Variants in RTP4 observed in about 807,000 individuals in gnomAD.
RTP4 encodes the protein receptor transporter protein 4.
Under a neutral mutation model 6.5 loss-of-function variants are expected in RTP4, and 5 were observed. That is an observed-to-expected ratio of 0.77 (90% CI 0.40 to 1.62). RTP4 has a LOEUF of 1.62. Among genes scored for constraint, RTP4 ranks in the 40% most tolerant of loss-of-function variants. The probability of loss-of-function intolerance (pLI) is 0.02; values close to 1 mark genes in which losing one functional copy is unlikely to be tolerated. For missense variants in RTP4, 266 were observed against 288.7 expected (o/e 0.92, Z 0.57); for synonymous variants, 112 against 114.8 (o/e 0.98, Z 0.15).
intron 1 of RTP4, among the ~76,000 whole-genome samples, chr3:187,369,299 G>C (rs999131852): frequency 6.6e-6 from 1 of 152,062 alleles, no homozygotes; most frequent in Non-Finnish European, 1.5e-5. Flanking sequence ...CAGGACCTTC[G>C]GTATAGTTTT....
intron 1 of RTP4, among the ~76,000 whole-genome samples, chr3:187,369,210 C>T (rs971835788): frequency 6.6e-6 from 1 of 152,160 alleles, no homozygotes; most frequent in African/African-American, 2.4e-5. Flanking sequence ...CTCCAGGTTG[C>T]AGGAACCAGT....
intron 1 of RTP4, among the ~76,000 whole-genome samples, chr3:187,370,397 A>G (rs1434686321): frequency 2.0e-5 from 3 of 152,238 alleles, no homozygotes; most frequent in Non-Finnish European, 4.4e-5. Flanking sequence ...AATAGTGCTT[A>G]CTTCACAGAT....
At position 187,371,060 on chromosome 3, in the gene RTP4, T is replaced by C; in HGVS notation, c.428T>C (p.Val143Ala). ...KSPEMPVILE[V>A]SLEGSHDTAN... Reference sequence around the variant, plus strand: ...CCAGAAATGCCAGTAATCCTGGAAGTGTCCCTGGAAGGATCCCATGACACA... The same window carrying C: ...CCAGAAATGCCAGTAATCCTGGAAGCGTCCCTGGAAGGATCCCATGACACA... The change falls in exon 2 of 2, where the codon GTG becomes GCG. Residue 143 changes from valine (V) to alanine (A), a missense_variant. By Grantham distance (64) the Val-to-Ala change is moderately conservative. Transcript: ENST00000259030. 1 of 1,614,226 alleles carries C rather than the reference T, an allele frequency of 6.2e-7. No individual in the cohort carries two copies. The highest frequency in any genetic ancestry group is 8.5e-7 in the Non-Finnish European group (1 of 1,180,030).
rs897225396 is a variant in RTP4, at chr3:187,370,357, A to T, written c.156-431A>T. 7.9e-5 allele frequency among the ~76,000 whole-genome samples: 12 copies of T among 152,324 alleles called. 1 individual carries two copies. In the East Asian group the frequency reaches 2.3e-3, roughly 29 times the overall value. On this transcript the variant is annotated intron_variant, in intron 1 of 1. Coordinates refer to ENST00000259030, the MANE Select transcript of RTP4 (RefSeq NM_022147.3). ...AAGCAGGTTGCGTATCCTTTTCATG[A>T]TTCAGTTTCCTTATCTGGATATTGG... is the stretch of plus-strand genomic sequence containing the variant.
chr3:187,370,925 G>C lies in RTP4; in HGVS notation c.293G>C (p.Trp98Ser). The part of the protein sequence containing the change: ...LFGQRCQKCS[W>S]SQYEMPEFSS... ...GGCCAAAGGTGCCAGAAGTGCTCCTGGTCCCAATATGAGATGCCTGAGTTC... is the reference window on the plus strand; with the variant it reads ...GGCCAAAGGTGCCAGAAGTGCTCCTCGTCCCAATATGAGATGCCTGAGTTC... The change falls in exon 2 of 2, where the codon TGG becomes TCG. Residue 98 changes from tryptophan to serine, a missense_variant. By Grantham distance (177) the Trp-to-Ser change is radical. Coordinates refer to ENST00000259030, the MANE Select transcript of RTP4 (RefSeq NM_022147.3). 1 of 1,614,182 alleles carries C rather than the reference G, an allele frequency of 6.2e-7. No individual in the cohort carries two copies. Among genetic ancestry groups the C allele is most frequent in the African/African-American group, 1.3e-5 (1 of 75,046 alleles).
intron 1 of RTP4, among the ~76,000 whole-genome samples, chr3:187,369,897 C>T (rs1422810702): frequency 6.6e-5 from 10 of 152,138 alleles, no homozygotes; most frequent in African/African-American, 1.7e-4. Flanking sequence ...TGTCTTACAA[C>T]GTTTTGGCAC....
Position 187,371,047 on chromosome 3 carries a change from G to C in RTP4, c.415G>C (p.Val139Leu). The C allele has an allele frequency of 6.2e-7, 1 of 1,614,216 alleles. No individual in the cohort carries two copies. Among genetic ancestry groups the C allele is most frequent in the Non-Finnish European group, 8.5e-7 (1 of 1,180,040 alleles). ...CACGAGGAAGTCTCCAGAAATGCCA[G>C]TAATCCTGGAAGTGTCCCTGGAAGG... ...NGTRKSPEMP[V>L]ILEVSLEGSH... Residue 139 changes from valine to leucine, a missense_variant, in exon 2 of 2, where the codon GTA (valine) becomes CTA (leucine). Transcript: ENST00000259030.
Position 187,371,217 on chromosome 3 carries a change from C to T in RTP4, c.585C>T (p.Leu195=), listed in dbSNP as rs776646441. The change falls in exon 2 of 2, where the codon CTC becomes CTT. Residue 195 remains leucine (L), a synonymous_variant. Coordinates refer to ENST00000259030, the MANE Select transcript of RTP4 (RefSeq NM_022147.3). ...CACCTGGAATTGGTGCTGTGTACCTCGCAAACCAAGCCAAGAACCAGTCAG... is the reference window on the plus strand; with the variant it reads ...CACCTGGAATTGGTGCTGTGTACCTTGCAAACCAAGCCAAGAACCAGTCAG... ...NSSPGIGAVY[L]ANQAKNQSAE... is the part of the protein sequence containing the mutation. The T allele has an allele frequency of 1.4e-5, 23 of 1,613,876 alleles. No homozygotes were observed. The highest frequency in any genetic ancestry group is 1.6e-4 in the Middle Eastern group (1 of 6,084).
chr3:187,370,738 A>G (rs777198385), intron 1 of RTP4, 50 bp from the exon 2 acceptor site: 2 of 1,397,148 alleles, frequency 1.4e-6, no homozygotes, highest in South Asian at 2.5e-5. Flanking sequence ...ATTTTCCCTC[A>G]GGTTAACAAC....
chr3:187,371,637 C>A lies in RTP4; in HGVS notation c.*264C>A. 4.7e-6 allele frequency: 2 copies of A among 424,230 alleles called. No individual in the cohort carries two copies. The highest frequency in any genetic ancestry group is 6.4e-5 in the South Asian group (2 of 31,140). 26.3% of individuals were successfully genotyped at this position (424,230 alleles called of 1,614,324 possible). A position where few individuals can be genotyped will look rare whatever the true frequency, so the allele number is the denominator to read the frequency against. Reference sequence around the variant, plus strand: ...CTCAGTGATATCAATATACTTAGCTCAGAAAGTGTGGGAGGCTGAATAATG... The same window carrying A: ...CTCAGTGATATCAATATACTTAGCTAAGAAAGTGTGGGAGGCTGAATAATG... On this transcript the variant is annotated 3_prime_UTR_variant, in exon 2 of 2. Transcript: ENST00000259030.
At position 187,371,309 on chromosome 3, in the gene RTP4, TG is replaced by T; in HGVS notation, c.678del (p.Asn227ThrfsTer13). 3 of 1,603,928 alleles carry T rather than the reference TG, an allele frequency of 1.9e-6. No individual in the cohort carries two copies. Among genetic ancestry groups the T allele is most frequent in the Non-Finnish European group, 2.5e-6 (3 of 1,179,964 alleles). On this transcript the variant is annotated frameshift_variant, in exon 2 of 2. Transcript: ENST00000259030. LOFTEE classifies it low-confidence loss of function (END_TRUNC). The part of the protein sequence containing the change: ...KLGPSRDPDP[L>X]NICVFILLLV... Reference sequence around the variant, plus strand: ...GGGCCCAGTCGAGACCCAGATCCACTGAACATCTGTGTCTTTATTTTGCTGC... The same window carrying T: ...GGGCCCAGTCGAGACCCAGATCCACTAACATCTGTGTCTTTATTTTGCTGC...
chr3:187,370,119 A>G (rs1212147631), intron 1 of RTP4, among the ~76,000 whole-genome samples: 2 of 152,100 alleles, frequency 1.3e-5, no homozygotes, highest in African/African-American at 2.4e-5. Context: ...GATTCAAACA[A>G]TGAGGGTTAT....
At chr3:187,369,838 T>C (rs1026376614) in intron 1 of RTP4, among the ~76,000 whole-genome samples, 1 of 152,184 alleles carries the variant, frequency 6.6e-6, no homozygotes, top group African/African-American at 2.4e-5. Context: ...CAGGGAAATG[T>C]GTAAATATTT....
rs916649865 is a variant in RTP4 at position 187,370,952 on chromosome 3, C to T, written c.320C>T (p.Ser107Phe). 6.2e-7 allele frequency: 1 copy of T among 1,614,200 alleles called. No individual in the cohort carries two copies. The highest frequency in any genetic ancestry group is 1.7e-5 in the Admixed American group (1 of 60,024). ...SWSQYEMPEF[S>F]SDSTMRILSN... ...TCCCAATATGAGATGCCTGAGTTCT[C>T]CTCGGATAGCACCATGAGGATTCTG... The change falls in exon 2 of 2, where the codon TCC (serine) becomes TTC (phenylalanine). Residue 107 changes from serine (S) to phenylalanine (F), a missense_variant. Ser to Phe is a radical substitution (Grantham distance 155). Coordinates refer to ENST00000259030, the MANE Select transcript of RTP4 (RefSeq NM_022147.3).
chr3:187,370,928 C>T lies in RTP4; in HGVS notation c.296C>T (p.Ser99Phe). Residue 99 changes from serine (S) to phenylalanine (F), a missense_variant, in exon 2 of 2, where the codon TCC (serine) becomes TTC (phenylalanine). Ser to Phe is a radical substitution (Grantham distance 155). Coordinates refer to ENST00000259030, the MANE Select transcript of RTP4 (RefSeq NM_022147.3). ...FGQRCQKCSW[S>F]QYEMPEFSSD... ...CAAAGGTGCCAGAAGTGCTCCTGGTCCCAATATGAGATGCCTGAGTTCTCC... is the reference window on the plus strand; with the variant it reads ...CAAAGGTGCCAGAAGTGCTCCTGGTTCCAATATGAGATGCCTGAGTTCTCC... The T allele has an allele frequency of 1.9e-6, 3 of 1,614,182 alleles. No homozygotes were observed. The highest frequency in any genetic ancestry group is 1.1e-5 in the South Asian group (1 of 91,066).
intron 1 of RTP4, among the ~76,000 whole-genome samples, chr3:187,368,994 A>G (rs1711553865): frequency 6.9e-6 from 1 of 144,380 alleles, no homozygotes; most frequent in African/African-American, 2.6e-5. Context: ...GTTCAGTACA[A>G]GCCTGGGACG....
Position 187,371,535 on chromosome 3 carries a change from G to T in RTP4, c.*162G>T. The T allele has an allele frequency of 5.0e-6, 3 of 600,460 alleles. No individual in the cohort carries two copies. The highest frequency in any genetic ancestry group is 8.8e-6 in the Non-Finnish European group (3 of 341,864). The allele number at this position is 600,460 out of a possible 1,614,324, so 37.2% of individuals were successfully genotyped here. On this transcript the variant is annotated 3_prime_UTR_variant, in exon 2 of 2. Coordinates refer to ENST00000259030, the MANE Select transcript of RTP4 (RefSeq NM_022147.3). ...ATCCTCTGAAAACAGTATGAAACATGACCAAGTACATAATGGATTTAGTAA... is the reference window on the plus strand; with the variant it reads ...ATCCTCTGAAAACAGTATGAAACATTACCAAGTACATAATGGATTTAGTAA...
chr3:187,369,979 AG>A (rs1711578114), intron 1 of RTP4, among the ~76,000 whole-genome samples: 1 of 152,272 alleles, frequency 6.6e-6, no homozygotes, highest in Non-Finnish European at 1.5e-5. Context: ...AGATCGGAAA[AG>A]CAACCTACCA....
rs1711606818 is a variant in RTP4, at chr3:187,371,164, C to T, written c.532C>T (p.Leu178Phe). The change falls in exon 2 of 2, where the codon CTC becomes TTC. Residue 178 changes from leucine to phenylalanine, a missense_variant. Coordinates refer to ENST00000259030, the MANE Select transcript of RTP4 (RefSeq NM_022147.3). Reference sequence around the variant, plus strand: ...CATGACAAAGCCGTCCAAATCCCTACTCCCCCACCTAAAGACTGGGAATTC... The same window carrying T: ...CATGACAAAGCCGTCCAAATCCCTATTCCCCCACCTAAAGACTGGGAATTC... ...SCMTKPSKSLLPHLKTGNSSP... is the reference protein window; with the variant it reads ...SCMTKPSKSLFPHLKTGNSSP... 4.3e-6 allele frequency: 7 copies of T among 1,614,164 alleles called. No homozygotes were observed. Among genetic ancestry groups the T allele is most frequent in the Middle Eastern group, 3.3e-4 (2 of 6,062 alleles).
Sources: allele counts gnomAD v4.1 joint callset (sites outside exome capture counted in the v4.1 genomes callset), GRCh38; gene constraint gnomAD v4.1.1; transcripts MANE v1.5; gene names NCBI Gene and HGNC (gene_info 2026-07-23, HGNC 2026-07-21).